Variants in NUP155 observed in about 807,000 individuals in gnomAD.
NUP155 encodes the protein nucleoporin 155, also known as nuclear pore complex protein Nup155.
A neutral mutation model predicts 180.4 loss-of-function variants in NUP155; 71 were observed. That is an observed-to-expected ratio of 0.39 (90% CI 0.33 to 0.48). The LOEUF (loss-of-function observed/expected upper bound fraction) is 0.48. NUP155 is among the 20% of genes least tolerant of loss of function. NUP155 has a pLI of 0.91. For synonymous variants in NUP155, 582 were observed against 559.5 expected (o/e 1.04, Z -0.57); for missense variants, 1,553 against 1,648.9 (o/e 0.94, Z 1.01).
chr5:37,346,013 A>C (rs1030674927), intron 9 of NUP155, among the ~76,000 whole-genome samples: 59 of 152,258 alleles, frequency 3.9e-4, no homozygotes, highest in African/African-American at 1.3e-3. Context: ...GAAAAACAGA[A>C]AATTATGTGT....
intron 3 of NUP155, among the ~76,000 whole-genome samples, chr5:37,358,883 G>A (rs1481045143): frequency 1.3e-5 from 2 of 152,100 alleles, no homozygotes; most frequent in East Asian, 3.9e-4. Flanking sequence ...CCGGCATGGT[G>A]GCGCACGCCT....
chr5:37,326,770 C>T (rs987019193), intron 18 of NUP155, among the ~76,000 whole-genome samples: 2 of 152,170 alleles, frequency 1.3e-5, no homozygotes, highest in African/African-American at 4.8e-5. Flanking sequence ...CCCAGCAAGA[C>T]AAGAACTGCC....
At chr5:37,294,305 T>C (rs1053739592) in intron 33 of NUP155, 24 bp downstream of exon 33, 2 of 1,438,524 alleles carry the variant, frequency 1.4e-6, no homozygotes, top group Admixed American at 2.0e-5. Context: ...AAAATAATTT[T>C]ATGTTATTTA....
Position 37,306,560 on chromosome 5 carries a change from C to T in NUP155, c.2903+737G>A, listed in dbSNP as rs538927997. Among the ~76,000 whole-genome samples, 11 of 152,228 alleles carry T rather than the reference C, an allele frequency of 7.2e-5. No homozygotes were observed. The South Asian group carries it at 1.2e-3, about 17-fold the overall frequency. ...TCAGCTCACTGCAGCCTCTGCCTCC[C>T]GGGTTAAAGCAATTCTCCTGCCTCA... On this transcript the variant is annotated intron_variant, in intron 25 of 34. Coordinates refer to ENST00000231498, the MANE Select transcript of NUP155 (RefSeq NM_153485.3).
chr5:37,368,089 T>A (rs2111762099), intron 1 of NUP155, among the ~76,000 whole-genome samples: 1 of 152,114 alleles, frequency 6.6e-6, no homozygotes, highest in East Asian at 1.9e-4. Flanking sequence ...CCACTTTTTG[T>A]AGAGACAGGG....
chr5:37,350,961 T>G (rs944199802), intron 6 of NUP155, among the ~76,000 whole-genome samples: 2 of 152,170 alleles, frequency 1.3e-5, no homozygotes, highest in African/African-American at 4.8e-5. Flanking sequence ...GAGACATTGA[T>G]GTGTGCCTTA....
At chr5:37,299,040 G>A in intron 31 of NUP155, 62 bp from the exon 32 acceptor site, 1 of 911,042 alleles carries the variant, frequency 1.1e-6, no homozygotes, top group Non-Finnish European at 1.8e-6. Flanking sequence ...TGTTTACATT[G>A]GTTATTTAAT....
chr5:37,361,536 C>CTAGG (rs2111698718), intron 3 of NUP155, among the ~76,000 whole-genome samples: 1 of 152,286 alleles, frequency 6.6e-6, no homozygotes, highest in African/African-American at 2.4e-5. Flanking sequence ...CATCCTCTTA[C>CTAGG]ATCATGCCAT....
At chr5:37,331,135 C>T (rs1192995384) in intron 14 of NUP155, among the ~76,000 whole-genome samples, 2 of 146,370 alleles carry the variant, frequency 1.4e-5, no homozygotes, top group Admixed American at 6.8e-5. Flanking sequence ...GGCGACAGAG[C>T]GAGACTCTGT....
chr5:37,316,360 A>G (rs1743886404), intron 21 of NUP155, among the ~76,000 whole-genome samples: 1 of 152,226 alleles, frequency 6.6e-6, no homozygotes, highest in African/African-American at 2.4e-5. Flanking sequence ...TAGGGTACCC[A>G]GAGTTGTAAA....
chr5:37,330,197 T>C, intron 14 of NUP155, 65 bp from the exon 15 acceptor site: 1 of 1,069,932 alleles, frequency 9.3e-7, no homozygotes, highest in Non-Finnish European at 1.4e-6. Context: ...TGTGTACTGC[T>C]AGATGCAGTA....
intron 5 of NUP155, among the ~76,000 whole-genome samples, chr5:37,351,988 C>G (rs1402521368): frequency 6.6e-6 from 1 of 151,006 alleles, no homozygotes; most frequent in Non-Finnish European, 1.5e-5. Flanking sequence ...TTTGGGAGGC[C>G]CAGGTGGGCA....
rs756346105 is a variant in NUP155 at position 37,303,234 on chromosome 5, T to C, written c.3317+26A>G. ...CATATAGCTCAGTTTTGAATCATTC[T>C]TCACAATAAGAATATTATGCCATAC... On this transcript the variant is annotated intron_variant, in intron 28 of 34. Transcript: ENST00000231498. 3 of 1,613,026 alleles carry C rather than the reference T, an allele frequency of 1.9e-6. No homozygotes were observed. The South Asian group carries it at 3.3e-5, about 18-fold the overall frequency.
At chr5:37,306,602 G>A (rs75181267) in intron 25 of NUP155, among the ~76,000 whole-genome samples, 7,941 of 151,932 alleles carry the variant, frequency 0.052, 230 homozygotes, top group South Asian at 0.08. Flanking sequence ...CAAGTTGCTG[G>A]GATTACGGGT....
At chr5:37,314,017 G>A (rs942383379) in intron 22 of NUP155, among the ~76,000 whole-genome samples, 181 bp downstream of exon 22, 7 of 151,972 alleles carry the variant, frequency 4.6e-5, no homozygotes, top group Admixed American at 6.6e-5. Context: ...AAAAACTTGC[G>A]GCTTTGAAAA....
At chr5:37,295,191 T>A (rs1039076074) in intron 32 of NUP155, among the ~76,000 whole-genome samples, 1 of 152,076 alleles carries the variant, frequency 6.6e-6, no homozygotes, top group Non-Finnish European at 1.5e-5. Flanking sequence ...CGATTGCAGG[T>A]GCGCGCCGCC....
At chr5:37,353,263 T>C (rs866574303) in intron 4 of NUP155, among the ~76,000 whole-genome samples, 11 of 151,506 alleles carry the variant, frequency 7.3e-5, no homozygotes, top group South Asian at 2.1e-4. Context: ...TATATATATA[T>C]ACACACACAC....
chr5:37,337,871 A>G lies in NUP155; in HGVS notation c.1294T>C (p.Trp432Arg). ...ASENEDNDIL[W>R]CVNHDTFPFQ... ...GGAAAAGTATCATGGTTGACACACC[A>G]TAAAATATCATTATCCTCATTTTCT... Residue 432 changes from tryptophan (W) to arginine (R), a missense_variant, in exon 12 of 35, where the codon TGG becomes CGG. By Grantham distance (101) the Trp-to-Arg change is moderately radical. Transcript: ENST00000231498. 1 of 1,612,072 alleles carries G rather than the reference A, an allele frequency of 6.2e-7. No individual in the cohort carries two copies. The highest frequency in any genetic ancestry group is 8.5e-7 in the Non-Finnish European group (1 of 1,178,930).
At position 37,328,419 on chromosome 5, in the gene NUP155, A is replaced by C. The variant is rs975361151; in HGVS notation, c.1815T>G (p.Ser605Arg). ...GPILGSPVYS[S>R]SPVPSGSPYP... is the part of the protein sequence containing the mutation. ...AGGGACTACCACTAGGAACAGGAGA[A>C]CCTAAAAAGGGAAAGAAGAATATAA... Residue 605 changes from serine to arginine, a missense_variant and splice_region_variant, in exon 17 of 35, where the codon AGT (serine) becomes AGG (arginine). By Grantham distance (110) the Ser-to-Arg change is moderately radical. Coordinates refer to ENST00000231498, the MANE Select transcript of NUP155 (RefSeq NM_153485.3). The C allele has an allele frequency of 4.4e-6, 7 of 1,593,836 alleles. No individual in the cohort carries two copies. The highest frequency in any genetic ancestry group is 1.3e-5 in the African/African-American group (1 of 74,500).
Sources: gnomAD v4.1 joint callset for allele counts (sites outside exome capture counted in the v4.1 genomes callset) on GRCh38, gnomAD v4.1.1 for gene constraint, MANE v1.5 for transcripts, NCBI Gene and HGNC (gene_info 2026-07-23, HGNC 2026-07-21) for gene names.